PDE11A: variants seen among roughly 807,000 people sequenced by gnomAD.
PDE11A encodes the protein phosphodiesterase 11A, also known as dual 3',5'-cyclic-AMP and -GMP phosphodiesterase 11A.
A neutral mutation model predicts 100.5 loss-of-function variants in PDE11A; 100 were observed. The observed-to-expected ratio is 1.00, with a 90% CI of 0.85 to 1.18. The LOEUF (loss-of-function observed/expected upper bound fraction) is 1.18. Among genes scored for constraint, PDE11A ranks in the 50% most tolerant of loss-of-function variants. PDE11A has a pLI of 0.00. For missense variants in PDE11A, 1,141 were observed against 1,152.6 expected (o/e 0.99, Z 0.15); for synonymous variants, 381 against 420.8 (o/e 0.91, Z 1.16).
intron 13 of PDE11A, among the ~76,000 whole-genome samples, chr2:177,711,199 T>C (rs1171454585): frequency 6.6e-6 from 1 of 152,216 alleles, no homozygotes; most frequent in East Asian, 1.9e-4. Context: ...GTGTGGCAAA[T>C]AGTTGCCCAG....
At chr2:177,842,000 C>G (rs73038287) in intron 5 of PDE11A, among the ~76,000 whole-genome samples, 1 of 152,108 alleles carries the variant, frequency 6.6e-6, no homozygotes. Flanking sequence ...CTAGGAGAAA[C>G]AAGATAATGC....
At chr2:178,025,421 T>G (rs924240822) in intron 1 of PDE11A, among the ~76,000 whole-genome samples, 4 of 152,222 alleles carry the variant, frequency 2.6e-5, no homozygotes, top group Non-Finnish European at 5.9e-5. Context: ...ATCCCTTTTT[T>G]TAGTCACGTT....
intron 6 of PDE11A, among the ~76,000 whole-genome samples, chr2:177,835,961 C>T (rs960016824): frequency 3.3e-5 from 5 of 152,208 alleles, no homozygotes; most frequent in Admixed American, 1.3e-4. Context: ...TCCCCACTGC[C>T]GTGGGCTCCT....
At chr2:177,770,825 G>T (rs7605091) in intron 9 of PDE11A, among the ~76,000 whole-genome samples, 48,075 of 152,046 alleles carry the variant, frequency 0.32, 8,812 homozygotes, top group African/African-American at 0.49. Flanking sequence ...CCAGACACAT[G>T]TTTGTTGTGG....
At chr2:177,951,947 T>A (rs1247888160) in intron 2 of PDE11A, among the ~76,000 whole-genome samples, 1 of 152,238 alleles carries the variant, frequency 6.6e-6, no homozygotes. Context: ...AGGGTACATG[T>A]GCACAACGTG....
At chr2:178,013,280 C>T (rs969219634) in intron 2 of PDE11A, among the ~76,000 whole-genome samples, 1 of 152,160 alleles carries the variant, frequency 6.6e-6, no homozygotes. Context: ...ATACAAGTGC[C>T]TCATACCCCA....
chr2:177,632,891 G>A (rs977538517), intron 19 of PDE11A, among the ~76,000 whole-genome samples: 1 of 152,136 alleles, frequency 6.6e-6, no homozygotes, highest in Non-Finnish European at 1.5e-5. Flanking sequence ...TTTCTCCCCA[G>A]CCCTAGCTCA....
intron 17 of PDE11A, among the ~76,000 whole-genome samples, chr2:177,670,500 A>G (rs1008820961): frequency 8.5e-5 from 13 of 152,058 alleles, no homozygotes; most frequent in African/African-American, 3.1e-4. Flanking sequence ...CATCTAGGAC[A>G]TTTCTGAGAT....
chr2:177,916,057 G>C (rs1486825659), intron 2 of PDE11A, among the ~76,000 whole-genome samples: 1 of 152,086 alleles, frequency 6.6e-6, no homozygotes, highest in Non-Finnish European at 1.5e-5. Flanking sequence ...TTTAACACTT[G>C]ATCACCAGCT....
chr2:177,718,573 C>T (rs937887789), intron 12 of PDE11A, among the ~76,000 whole-genome samples: 1 of 152,030 alleles, frequency 6.6e-6, no homozygotes, highest in African/African-American at 2.4e-5. Flanking sequence ...ATATACAGTG[C>T]TTTATAAGTG....
intron 10 of PDE11A, among the ~76,000 whole-genome samples, chr2:177,741,418 G>A (rs2081869896): frequency 6.6e-6 from 1 of 152,262 alleles, no homozygotes; most frequent in East Asian, 1.9e-4. Context: ...ACGTTCTAAG[G>A]TACTAGGGAT....
At chr2:177,714,421 T>C (rs62183002) in intron 12 of PDE11A, among the ~76,000 whole-genome samples, 9,259 of 152,308 alleles carry the variant, frequency 0.061, 394 homozygotes, top group Middle Eastern at 0.15. Context: ...TATGGAGTTC[T>C]CATAACAGTC....
chr2:178,072,025 T>C lies in PDE11A; in HGVS notation c.413A>G (p.Asp138Gly). The C allele has an allele frequency of 6.2e-7, 1 of 1,613,930 alleles. No individual in the cohort carries two copies. The highest frequency in any genetic ancestry group is 1.1e-5 in the South Asian group (1 of 91,070). ...CTGAGCCCGGGAGGTCACCTGTTCA[T>C]CGTAGGTCCTGTTCACGTGGATGGC... is the stretch of plus-strand genomic sequence containing the variant. ...SKAIHVNRTY[D>G]EQVTSRAQEP... The change falls in exon 1 of 20, where the codon GAT (aspartate) becomes GGT (glycine). Residue 138 changes from aspartate (D) to glycine (G), a missense_variant. Coordinates refer to ENST00000286063, the MANE Select transcript of PDE11A (RefSeq NM_016953.4).
chr2:177,675,690 T>C, intron 16 of PDE11A, 172 bp from the exon 17 acceptor site: 1 of 706,002 alleles, frequency 1.4e-6, no homozygotes, highest in Non-Finnish European at 2.6e-6. Context: ...AGCATCTCCA[T>C]CATGTGGCCA....
chr2:177,997,832 A>G, intron 2 of PDE11A: 1 of 1,353,256 alleles, frequency 7.4e-7, no homozygotes, highest in East Asian at 2.3e-5. Flanking sequence ...TATTCCAATA[A>G]CTTATCAAAT....
At chr2:178,051,831 C>T (rs896365835) in intron 1 of PDE11A, among the ~76,000 whole-genome samples, 5 of 152,260 alleles carry the variant, frequency 3.3e-5, no homozygotes, top group African/African-American at 1.2e-4. Flanking sequence ...AATATATATG[C>T]ACCCAATACA....
At chr2:177,981,883 G>A (rs1179534555) in intron 2 of PDE11A, among the ~76,000 whole-genome samples, 3 of 150,808 alleles carry the variant, frequency 2.0e-5, no homozygotes, top group African/African-American at 7.3e-5. Context: ...AATGACATAG[G>A]TATGAACTTA....
At chr2:177,805,992 T>C (rs1005072920) in intron 9 of PDE11A, among the ~76,000 whole-genome samples, 2 of 152,274 alleles carry the variant, frequency 1.3e-5, no homozygotes, top group African/African-American at 4.8e-5. Flanking sequence ...CTGGGACCAA[T>C]TGGTTACATA....
intron 2 of PDE11A, among the ~76,000 whole-genome samples, chr2:177,968,614 A>C (rs1293160582): frequency 6.6e-6 from 1 of 152,222 alleles, no homozygotes; most frequent in Non-Finnish European, 1.5e-5. Flanking sequence ...AGTCAAATAA[A>C]TTCCTATAGG....
Sources: allele counts gnomAD v4.1 joint callset (sites outside exome capture counted in the v4.1 genomes callset), GRCh38; gene constraint gnomAD v4.1.1; transcripts MANE v1.5; gene names NCBI Gene and HGNC (gene_info 2026-07-23, HGNC 2026-07-21).